The following SLCO1B1 variants were observed in gnomAD, a reference collection of about 807,000 sequenced individuals.
The protein encoded by SLCO1B1 is solute carrier organic anion transporter family member 1B1, also known as OATP-2.
Under a neutral mutation model 70.1 loss-of-function variants are expected in SLCO1B1, and 81 were observed. That is an observed-to-expected ratio of 1.16 (90% CI 0.97 to 1.39). The LOEUF is 1.39. Ranked by LOEUF, SLCO1B1 falls within the 40% of genes most tolerant of loss-of-function variation. The pLI, the probability that SLCO1B1 is intolerant of heterozygous loss-of-function variation, is 0.00. For missense variants in SLCO1B1, 895 were observed against 799.6 expected (o/e 1.12, Z -1.44); for synonymous variants, 283 against 271.5 (o/e 1.04, Z -0.42).
intron 2 of SLCO1B1, among the ~76,000 whole-genome samples, chr12:21,151,349 A>C (rs1326260752): frequency 2.0e-5 from 3 of 152,122 alleles, no homozygotes; most frequent in African/African-American, 7.2e-5. Flanking sequence ...TGCAAGATAA[A>C]TTTACAAATA....
intron 2 of SLCO1B1, among the ~76,000 whole-genome samples, chr12:21,144,054 A>G (rs1940349555): frequency 6.6e-6 from 1 of 152,116 alleles, no homozygotes; most frequent in African/African-American, 2.4e-5. Flanking sequence ...TTTGTACTGA[A>G]CTAACTACAT....
At chr12:21,180,849 C>G (rs1940886463) in intron 7 of SLCO1B1, among the ~76,000 whole-genome samples, 1 of 152,066 alleles carries the variant, frequency 6.6e-6, no homozygotes, top group South Asian at 2.1e-4. Context: ...TATAAGCTCT[C>G]TAAATAAGAA....
In SLCO1B1 at chr12:21,222,309, A is replaced by T. The variant is rs146415464; in HGVS notation, c.1692A>T (p.Gln564His). ...SHVMLIVKIV[Q>H]PELKSLALGF... ...CTTTGTCTTGTTTCAGAATTGTTCA[A>T]CCTGAATTGAAATCACTTGCACTGG... The change falls in exon 13 of 15, where the codon CAA becomes CAT. Residue 564 changes from glutamine (Q) to histidine (H), a missense_variant. By Grantham distance (24) the Gln-to-His change is conservative. Coordinates refer to ENST00000256958, the MANE Select transcript of SLCO1B1 (RefSeq NM_006446.5). The T allele has an allele frequency of 3.6e-6, 5 of 1,381,520 alleles. No individual in the cohort carries two copies. The highest frequency in any genetic ancestry group is 1.5e-5 in the African/African-American group (1 of 65,864). The allele number at this position is 1,381,520 out of a possible 1,614,324, so 85.6% of individuals were successfully genotyped here. A position where few individuals can be genotyped will look rare whatever the true frequency, so the allele number is the denominator to read the frequency against.
At chr12:21,210,749 G>C (rs559461497) in intron 11 of SLCO1B1, among the ~76,000 whole-genome samples, 11 of 148,858 alleles carry the variant, frequency 7.4e-5, no homozygotes, top group African/African-American at 2.5e-4. Flanking sequence ...GCAGTGGTTT[G>C]TAGTTCTCCT....
chr12:21,176,962 A>G, intron 5 of SLCO1B1, 65 bp downstream of exon 5: 2 of 1,259,674 alleles, frequency 1.6e-6, no homozygotes, highest in African/African-American at 1.5e-5. Flanking sequence ...ATCTCTAAAA[A>G]TTGTTGTGAT....
intron 1 of SLCO1B1, among the ~76,000 whole-genome samples, chr12:21,139,902 G>A (rs1046187934): frequency 6.6e-6 from 1 of 151,900 alleles, no homozygotes; most frequent in African/African-American, 2.4e-5. Flanking sequence ...CAAAGATAGT[G>A]CTGAAGTGCT....
intron 11 of SLCO1B1, among the ~76,000 whole-genome samples, chr12:21,209,765 A>G (rs1216922165): frequency 6.6e-6 from 1 of 151,066 alleles, no homozygotes; most frequent in Non-Finnish European, 1.5e-5. Flanking sequence ...CTGGTGTGAG[A>G]TGGTATCTCA....
intron 2 of SLCO1B1, among the ~76,000 whole-genome samples, chr12:21,142,724 T>C (rs1940328844): frequency 6.6e-6 from 1 of 152,128 alleles, no homozygotes; most frequent in South Asian, 2.1e-4. Context: ...GTGAATTATG[T>C]TCTATATTCT....
At chr12:21,235,020 G>A (rs578156147) in intron 14 of SLCO1B1, among the ~76,000 whole-genome samples, 1 of 151,568 alleles carries the variant, frequency 6.6e-6, no homozygotes, top group Non-Finnish European at 1.5e-5. Context: ...TCTGATTTTT[G>A]GGTGAAGTAT....
chr12:21,196,829 A>C, intron 7 of SLCO1B1, 117 bp from the exon 8 acceptor site: 1 of 1,090,758 alleles, frequency 9.2e-7, no homozygotes, highest in South Asian at 1.4e-5. Context: ...AATTAAAAGA[A>C]AAAAATCGTG....
intron 1 of SLCO1B1, among the ~76,000 whole-genome samples, chr12:21,140,301 A>G (rs529664068): frequency 1.3e-5 from 2 of 152,098 alleles, no homozygotes; most frequent in African/African-American, 2.4e-5. Flanking sequence ...GTCTGCTTAT[A>G]TAGATATCTT....
rs147768436 is a variant in SLCO1B1 at position 21,160,629 on chromosome 12, G to T, written c.85-12021G>T. On this transcript the variant is annotated intron_variant, in intron 2 of 14. Transcript: ENST00000256958. Reference sequence around the variant, plus strand: ...CAAAGATTTCATGACAAATGACACCGAAAGCAATCAAAACAAAAGCAAATA... The same window carrying T: ...CAAAGATTTCATGACAAATGACACCTAAAGCAATCAAAACAAAAGCAAATA... 3.3e-5 allele frequency among the ~76,000 whole-genome samples: 5 copies of T among 151,922 alleles called. No individual in the cohort carries two copies. In the East Asian group the frequency reaches 9.7e-4, roughly 29 times the overall value.
intron 2 of SLCO1B1, among the ~76,000 whole-genome samples, chr12:21,158,466 C>T (rs1351136818): frequency 9.2e-5 from 14 of 152,070 alleles, no homozygotes; most frequent in African/African-American, 2.2e-4. Flanking sequence ...GAGGCCAAGG[C>T]GGGCAGATCA....
intron 1 of SLCO1B1, among the ~76,000 whole-genome samples, chr12:21,136,817 T>G (rs1238146237): frequency 6.6e-6 from 1 of 152,238 alleles, no homozygotes; most frequent in Admixed American, 6.5e-5. Flanking sequence ...ATCTGAAGCC[T>G]TCTTCTCTCA....
chr12:21,136,391 G>A (rs2121027663), intron 1 of SLCO1B1, among the ~76,000 whole-genome samples: 1 of 152,214 alleles, frequency 6.6e-6, no homozygotes, highest in African/African-American at 2.4e-5. Context: ...TTGCTAGATT[G>A]GGGAAGTTCT....
At chr12:21,233,424 A>C (rs1296988349) in intron 14 of SLCO1B1, among the ~76,000 whole-genome samples, 3 of 152,002 alleles carry the variant, frequency 2.0e-5, no homozygotes, top group Non-Finnish European at 4.4e-5. Flanking sequence ...CTTCCTCCCA[A>C]ACGAACCTTC....
At chr12:21,193,272 T>C (rs1941051442) in intron 7 of SLCO1B1, among the ~76,000 whole-genome samples, 1 of 152,206 alleles carries the variant, frequency 6.6e-6, no homozygotes, top group South Asian at 2.1e-4. Context: ...CTAGTCATTC[T>C]ATTTATAATT....
intron 1 of SLCO1B1, among the ~76,000 whole-genome samples, chr12:21,137,145 G>A (rs760367951): frequency 2.6e-5 from 4 of 152,132 alleles, no homozygotes; most frequent in East Asian, 1.9e-4. Flanking sequence ...GTAGAAGAGC[G>A]GATATTGGTG....
intron 7 of SLCO1B1, among the ~76,000 whole-genome samples, chr12:21,184,048 A>T (rs897291333): frequency 6.7e-6 from 1 of 148,440 alleles, no homozygotes; most frequent in South Asian, 2.1e-4. Flanking sequence ...AAAAGAAAGA[A>T]AGAAAAAAAA....
Sources: allele counts gnomAD v4.1 joint callset (sites outside exome capture counted in the v4.1 genomes callset), GRCh38; gene constraint gnomAD v4.1.1; transcripts MANE v1.5; gene names NCBI Gene and HGNC (gene_info 2026-07-23, HGNC 2026-07-21).